ALDH1A2: variants seen among roughly 807,000 people sequenced by gnomAD.
ALDH1A2 encodes the protein retinal dehydrogenase 2.
A neutral mutation model predicts 60.3 loss-of-function variants in ALDH1A2; 27 were observed. The ratio of observed to expected loss-of-function variants is 0.45; its 90% CI spans 0.33 to 0.62. The LOEUF is 0.62. Ranked by LOEUF, ALDH1A2 falls within the 20% of genes least tolerant of loss-of-function variation. ALDH1A2 has a pLI of 0.02. For synonymous variants in ALDH1A2, 289 were observed against 232.4 expected (o/e 1.24, Z -2.21); for missense variants, 581 against 643.8 (o/e 0.90, Z 1.06).
At chr15:57,983,504 G>A (rs1258946759) in intron 7 of ALDH1A2, among the ~76,000 whole-genome samples, 1 of 152,194 alleles carries the variant, frequency 6.6e-6, no homozygotes, top group Non-Finnish European at 1.5e-5. Context: ...GTGGAATTAA[G>A]ATGGAGAATT....
Position 57,963,008 on chromosome 15 carries a change from C to T in ALDH1A2, c.1087-832G>A, listed in dbSNP as rs199764587. On this transcript the variant is annotated intron_variant, in intron 9 of 12. Coordinates refer to ENST00000249750, the MANE Select transcript of ALDH1A2 (RefSeq NM_003888.4). The stretch of plus-strand genomic sequence containing the variant: ...TCAGGAGAGACTTTGTGGCCCTCCC[C>T]ACCCCACTAAAGTACACGAGGCCTT... 7.9e-5 allele frequency among the ~76,000 whole-genome samples: 12 copies of T among 152,240 alleles called. No homozygotes were observed. The East Asian group carries it at 2.1e-3, about 27-fold the overall frequency.
chr15:57,976,727 A>G (rs1894271870), intron 7 of ALDH1A2, among the ~76,000 whole-genome samples: 1 of 152,162 alleles, frequency 6.6e-6, no homozygotes, highest in African/African-American at 2.4e-5. Flanking sequence ...ATAAACATAC[A>G]AGTGCATGTG....
At chr15:58,013,022 G>GCAA (rs1895679075) in intron 3 of ALDH1A2, among the ~76,000 whole-genome samples, 1 of 152,148 alleles carries the variant, frequency 6.6e-6, no homozygotes, top group Admixed American at 6.5e-5. Flanking sequence ...TTTAAAAACA[G>GCAA]CAACAACAAC....
intron 1 of ALDH1A2, among the ~76,000 whole-genome samples, chr15:58,044,101 G>A (rs552394333): frequency 2.0e-5 from 3 of 152,124 alleles, no homozygotes; most frequent in East Asian, 3.9e-4. Flanking sequence ...AAGAGGACTT[G>A]ATGGCTGACC....
chr15:57,981,891 G>T (rs1038907299), intron 7 of ALDH1A2, among the ~76,000 whole-genome samples: 1 of 152,182 alleles, frequency 6.6e-6, no homozygotes, highest in South Asian at 2.1e-4. Context: ...ATAGAGAAAG[G>T]AAATTCATTT....
intron 1 of ALDH1A2, among the ~76,000 whole-genome samples, chr15:58,056,692 CTG>C (rs528713293): frequency 4.4e-4 from 67 of 152,142 alleles, no homozygotes; most frequent in Non-Finnish European, 8.7e-4. Context: ...TTTATAAAAA[CTG>C]ATAACAAATC....
chr15:57,980,178 C>T lies in ALDH1A2; in HGVS notation c.798+12527G>A, dbSNP rs141736544. 421 of 283,686 alleles carry T rather than the reference C, an allele frequency of 1.5e-3. 1 individual carries two copies. Among genetic ancestry groups the T allele is most frequent in the African/African-American group, 8.7e-3 (389 of 44,698 alleles). 17.6% of individuals were successfully genotyped at this position (283,686 alleles called of 1,614,324 possible). On this transcript the variant is annotated intron_variant, in intron 7 of 12. Coordinates refer to ENST00000249750, the MANE Select transcript of ALDH1A2 (RefSeq NM_003888.4). ...ACGCACTGGCCAGCCTTCATGGCGGCGTCACTGAAGTTCTGCTCCTGCTTC... is the reference window on the plus strand; with the variant it reads ...ACGCACTGGCCAGCCTTCATGGCGGTGTCACTGAAGTTCTGCTCCTGCTTC...
intron 3 of ALDH1A2, among the ~76,000 whole-genome samples, chr15:58,013,489 T>G (rs1895695505): frequency 6.6e-6 from 1 of 152,192 alleles, no homozygotes; most frequent in Admixed American, 6.5e-5. Flanking sequence ...ATTTTTCATA[T>G]GTATTACCTA....
chr15:57,994,615 C>T (rs1218011491), intron 5 of ALDH1A2, among the ~76,000 whole-genome samples: 10 of 152,156 alleles, frequency 6.6e-5, no homozygotes, highest in Admixed American at 2.6e-4. Context: ...ATGACTGTGA[C>T]GTTAACTGTA....
intron 8 of ALDH1A2, among the ~76,000 whole-genome samples, chr15:57,965,328 C>T (rs1893859572): frequency 6.6e-6 from 1 of 152,170 alleles, no homozygotes. Context: ...CAGGGCTGGT[C>T]AAGTCGGATT....
intron 1 of ALDH1A2, among the ~76,000 whole-genome samples, chr15:58,045,733 C>G (rs978097095): frequency 6.6e-6 from 1 of 151,746 alleles, no homozygotes; most frequent in Non-Finnish European, 1.5e-5. Context: ...ACCACACACC[C>G]GGACCTGTCA....
chr15:57,999,647 C>T (rs1895190910), intron 4 of ALDH1A2, among the ~76,000 whole-genome samples: 2 of 152,020 alleles, frequency 1.3e-5, no homozygotes, highest in Non-Finnish European at 2.9e-5. Context: ...TTGTGGAAGA[C>T]AGTGTGGCAA....
Position 57,962,075 on chromosome 15 carries a change from C to T in ALDH1A2, c.1188G>A (p.Gly396=). 1 of 1,614,154 alleles carries T rather than the reference C, an allele frequency of 6.2e-7. No individual in the cohort carries two copies. The highest frequency in any genetic ancestry group is 1.1e-5 in the South Asian group (1 of 91,086). Residue 396 remains glycine (G), a synonymous_variant, in exon 10 of 13, where the codon GGG becomes GGA. Transcript: ENST00000249750. The part of the protein sequence containing the change: ...ECGGKGLGRK[G]FFIEPTVFSN... The stretch of plus-strand genomic sequence containing the variant: ...AAAACACTGTGGGCTCAATGAAAAA[C>T]CCCTTTCGGCCCAGTCCTTTGCCTC...
chr15:57,997,741 G>C (rs1895113634), intron 4 of ALDH1A2, among the ~76,000 whole-genome samples: 3 of 151,946 alleles, frequency 2.0e-5, no homozygotes, highest in Admixed American at 2.0e-4. Flanking sequence ...GAGGAATTGA[G>C]TTTGACTCCA....
chr15:57,986,415 G>T (rs1224481217), intron 7 of ALDH1A2, among the ~76,000 whole-genome samples: 2 of 151,762 alleles, frequency 1.3e-5, no homozygotes, highest in African/African-American at 4.8e-5. Flanking sequence ...AAGCTTAAAG[G>T]TAAGTTCCAA....
At chr15:58,032,928 A>C (rs1450357222) in intron 1 of ALDH1A2, among the ~76,000 whole-genome samples, 1 of 152,078 alleles carries the variant, frequency 6.6e-6, no homozygotes, top group African/African-American at 2.4e-5. Flanking sequence ...AGGCATAAGA[A>C]GACAAATATT....
At chr15:57,995,948 A>G (rs1895047164) in intron 4 of ALDH1A2, among the ~76,000 whole-genome samples, 1 of 152,166 alleles carries the variant, frequency 6.6e-6, no homozygotes, top group Non-Finnish European at 1.5e-5. Context: ...AAAATTACCA[A>G]AGAATGGCTC....
chr15:58,041,770 A>T, intron 1 of ALDH1A2, among the ~76,000 whole-genome samples: 1 of 151,926 alleles, frequency 6.6e-6, no homozygotes, highest in Non-Finnish European at 1.5e-5. Context: ...CAAAACTCCC[A>T]GTGGATGCCT....
intron 4 of ALDH1A2, among the ~76,000 whole-genome samples, chr15:58,004,374 G>A (rs1379194864): frequency 6.6e-6 from 1 of 151,784 alleles, no homozygotes; most frequent in African/African-American, 2.4e-5. Context: ...TTTGTTACAT[G>A]GATATATTGC....
Sources: gnomAD v4.1 joint callset for allele counts (sites outside exome capture counted in the v4.1 genomes callset) on GRCh38, gnomAD v4.1.1 for gene constraint, MANE v1.5 for transcripts, NCBI Gene and HGNC (gene_info 2026-07-23, HGNC 2026-07-21) for gene names.